BMX: variants seen among roughly 807,000 people sequenced by gnomAD.
BMX encodes the protein BMX non-receptor tyrosine kinase.
Under a neutral mutation model 59.2 loss-of-function variants are expected in BMX, and 31 were observed. The ratio of observed to expected loss-of-function variants is 0.52; its 90% CI spans 0.39 to 0.71. The LOEUF is 0.71. Among genes scored for constraint, BMX ranks in the 30% least tolerant of loss-of-function variants. The pLI, the probability that BMX is intolerant of heterozygous loss-of-function variation, is 0.00. For synonymous variants in BMX, 185 were observed against 181.0 expected (o/e 1.02, Z -0.18); for missense variants, 474 against 491.7 (o/e 0.96, Z 0.34).
chrX:15,532,209 C>T (rs956463819), intron 11 of BMX, among the ~76,000 whole-genome samples: 6 of 111,059 alleles, frequency 5.4e-5, no homozygotes, highest in Non-Finnish European at 1.1e-4. Flanking sequence ...GCTCCACTCC[C>T]TGTACCCTAA....
In BMX at chrX:15,527,193, CAAAAAAA is replaced by C. The variant is rs1188631387; in HGVS notation, c.884+1116_884+1122del. 1.4e-3 allele frequency among the ~76,000 whole-genome samples: 20 copies of C among 14,156 alleles called. 1 individual carries two copies. In the East Asian group the frequency reaches 0.042, roughly 30 times the overall value. 12.3% of individuals were successfully genotyped at this position (14,156 alleles called of 115,157 possible). The stretch of plus-strand genomic sequence containing the variant: ...TGGGCGACAGAGCAAGACTCTGTCT[CAAAAAAA>C]AAAAAAAAAAAAAAAAACAACACAA... On this transcript the variant is annotated intron_variant, in intron 9 of 18. Transcript: ENST00000348343.
At chrX:15,551,176 G>A (rs1926179627) in intron 18 of BMX, among the ~76,000 whole-genome samples, 1 of 111,655 alleles carries the variant, frequency 9.0e-6, no homozygotes, top group Non-Finnish European at 1.9e-5. Context: ...GATAAAAGGA[G>A]GCTTTTGAGA....
chrX:15,555,301 CA>C (rs1265403148), intron 18 of BMX, among the ~76,000 whole-genome samples: 2 of 102,555 alleles, frequency 2.0e-5, no homozygotes, highest in Non-Finnish European at 3.9e-5. Flanking sequence ...CTCCACCTTC[CA>C]GGCTTAAGTG....
At chrX:15,507,874 T>C (rs1923799165) in intron 1 of BMX, among the ~76,000 whole-genome samples, 1 of 111,835 alleles carries the variant, frequency 8.9e-6, no homozygotes, top group Non-Finnish European at 1.9e-5. Flanking sequence ...GATCAGGGGC[T>C]GCAGGTGTTA....
chrX:15,536,573 TAA>T (rs1298697050), intron 13 of BMX, 146 bp downstream of exon 13: 404 of 324,801 alleles, frequency 1.2e-3, no homozygotes, highest in South Asian at 1.9e-3. Context: ...GGATTTTCTT[TAA>T]AAAAAAAAAA....
At chrX:15,547,040 A>G (rs975243148) in intron 17 of BMX, 119 bp downstream of exon 17, 5 of 556,593 alleles carry the variant, frequency 9.0e-6, no homozygotes, top group Non-Finnish European at 1.4e-5. Context: ...GAAGTTACAC[A>G]TATAGCCTGA....
intron 11 of BMX, among the ~76,000 whole-genome samples, chrX:15,533,571 A>G (rs1409069659): frequency 3.6e-5 from 4 of 112,549 alleles, no homozygotes; most frequent in Non-Finnish European, 7.5e-5. Context: ...CTGGTTCTTG[A>G]CCACTATGTC....
intron 7 of BMX, among the ~76,000 whole-genome samples, chrX:15,524,971 A>C (rs1372590918): frequency 1.8e-5 from 2 of 112,288 alleles, no homozygotes; most frequent in Non-Finnish European, 3.8e-5. Context: ...GAATGCTTGC[A>C]TATATATAAG....
chrX:15,508,323 T>C, intron 1 of BMX, 22 bp from the exon 2 acceptor site: 1 of 1,048,685 alleles, frequency 9.5e-7, no homozygotes, highest in Non-Finnish European at 1.3e-6. Context: ...AAATACTCAT[T>C]TTAATTATTT....
chrX:15,503,543 C>G (rs5980163), intron 1 of BMX, among the ~76,000 whole-genome samples: 1,241 of 112,170 alleles, frequency 0.011, 14 homozygotes, highest in Non-Finnish European at 0.016. Flanking sequence ...GGCCATGCCT[C>G]TTAGGTCACT....
At chrX:15,527,913 C>T (rs998548643) in intron 9 of BMX, among the ~76,000 whole-genome samples, 2 of 112,597 alleles carry the variant, frequency 1.8e-5, no homozygotes, top group African/African-American at 3.2e-5. Flanking sequence ...GAATGACCAA[C>T]GCATGGTCAT....
At position 15,537,258 on chromosome X, in the gene BMX, G is replaced by A. The variant is rs1925409290; in HGVS notation, c.1347G>A (p.Glu449=). 8.3e-7 allele frequency: 1 copy of A among 1,209,994 alleles called. No homozygotes were observed. The highest frequency in any genetic ancestry group is 1.8e-5 in the South Asian group (1 of 56,640). Residue 449 remains glutamate (E), a synonymous_variant, in exon 14 of 19, where the codon GAG becomes GAA. Coordinates refer to ENST00000348343, the MANE Select transcript of BMX (RefSeq NM_203281.3). ...ATGTTGCTGTTAAGATGATCAAGGA[G>A]GGCTCCATGTCAGAAGATGAATTCT... ...QYDVAVKMIK[E]GSMSEDEFFQ... is the part of the protein sequence containing the mutation.
chrX:15,554,268 G>A (rs1202074485), intron 18 of BMX, among the ~76,000 whole-genome samples: 1 of 112,196 alleles, frequency 8.9e-6, no homozygotes, highest in Non-Finnish European at 1.9e-5. Flanking sequence ...CACCAATGGA[G>A]TGCATTGTCA....
At chrX:15,536,279 T>C (rs1470344116) in intron 12 of BMX, 74 bp from the exon 13 acceptor site, 2 of 1,053,385 alleles carry the variant, frequency 1.9e-6, no homozygotes, top group Non-Finnish European at 2.6e-6. Context: ...GAGAGACTAG[T>C]TGTGAACCAA....
At chrX:15,532,731 T>G (rs1446116475) in intron 11 of BMX, among the ~76,000 whole-genome samples, 5 of 112,570 alleles carry the variant, frequency 4.4e-5, no homozygotes, top group African/African-American at 1.6e-4. Flanking sequence ...AGTGCCTACC[T>G]ACACTTGAGA....
intron 9 of BMX, among the ~76,000 whole-genome samples, chrX:15,528,973 TA>T (rs1924933620): frequency 8.9e-6 from 1 of 112,142 alleles, no homozygotes; most frequent in Non-Finnish European, 1.9e-5. Context: ...AACGATCAGT[TA>T]AAATTTCAAG....
At chrX:15,535,387 T>C (rs749644479) in intron 12 of BMX, among the ~76,000 whole-genome samples, 1 of 111,809 alleles carries the variant, frequency 8.9e-6, no homozygotes, top group South Asian at 3.7e-4. Context: ...CACTTCTGGC[T>C]TTCATTTTGG....
chrX:15,528,179 C>T (rs949327315), intron 9 of BMX, among the ~76,000 whole-genome samples: 6 of 112,117 alleles, frequency 5.4e-5, no homozygotes, highest in Non-Finnish European at 3.8e-5. Flanking sequence ...AAAAGGAGCT[C>T]GGGATTATAG....
chrX:15,544,112 T>C lies in BMX; in HGVS notation c.1676+977T>C, dbSNP rs1367094546. ...CTGACTCAATATGTAATTCTGAAGG[T>C]GAATAATGCAGTTTAAAAGAGATCT... On this transcript the variant is annotated intron_variant, in intron 16 of 18. Coordinates refer to ENST00000348343, the MANE Select transcript of BMX (RefSeq NM_203281.3). Among the ~76,000 whole-genome samples the C allele has an allele frequency of 1.3e-4, 14 of 111,042 alleles. No individual in the cohort carries two copies. The Admixed American group carries it at 1.3e-3, about 11-fold the overall frequency.
Sources: gnomAD v4.1 joint callset for allele counts (sites outside exome capture counted in the v4.1 genomes callset) on GRCh38, gnomAD v4.1.1 for gene constraint, MANE v1.5 for transcripts, NCBI Gene and HGNC (gene_info 2026-07-23, HGNC 2026-07-21) for gene names.